The following RRP1 variants were observed in gnomAD, a reference collection of about 807,000 sequenced individuals.
The protein encoded by RRP1 is ribosomal RNA processing 1.
In RRP1, 37 loss-of-function variants were observed where a neutral mutation model predicts 54.6. The ratio of observed to expected loss-of-function variants is 0.68; its 90% CI spans 0.52 to 0.89. RRP1 has a LOEUF of 0.89. RRP1 is among the 40% of genes least tolerant of loss of function. RRP1 has a pLI of 0.00. For missense variants in RRP1, 639 were observed against 612.5 expected (o/e 1.04, Z -0.46); for synonymous variants, 262 against 244.3 (o/e 1.07, Z -0.67).
Position 43,797,991 on chromosome 21 carries a change from T to C in RRP1, c.702T>C (p.Asn234=). 3 of 1,614,184 alleles carry C rather than the reference T, an allele frequency of 1.9e-6. No individual in the cohort carries two copies. Among genetic ancestry groups the C allele is most frequent in the Non-Finnish European group, 1.7e-6 (2 of 1,180,026 alleles). The stretch of plus-strand genomic sequence containing the variant: ...CGCTTGCCATTGAAGACCTCCTGAA[T>C]GAACTGGACACACAGGATGAGGAGG... ...QAPLAIEDLL[N]ELDTQDEEVA... is the part of the protein sequence containing the mutation. Residue 234 remains asparagine, a synonymous_variant, in exon 8 of 13, where the codon AAT becomes AAC. Transcript: ENST00000497547.
Position 43,789,688 on chromosome 21 carries a change from A to G in RRP1, c.59A>G (p.Asn20Ser), listed in dbSNP as rs774679026. The change falls in exon 1 of 13, where the codon AAT (asparagine) becomes AGT (serine). Residue 20 changes from asparagine to serine, a missense_variant. Asn to Ser is a conservative substitution (Grantham distance 46). Transcript: ENST00000497547. ...CAGCTGGCTCAGCGCCTGGCGGGGA[A>G]TGAGCAGGTGACCCGGGACCGGGCG... ...EIQLAQRLAG[N>S]EQVTRDRAVR... 2.6e-6 allele frequency: 4 copies of G among 1,566,568 alleles called. No individual in the cohort carries two copies. The African/African-American group carries it at 5.5e-5, about 22-fold the overall frequency.
Position 43,803,883 on chromosome 21 carries a change from T to A in RRP1, c.*109T>A, listed in dbSNP as rs577629512. On this transcript the variant is annotated 3_prime_UTR_variant, in exon 13 of 13. Coordinates refer to ENST00000497547, the MANE Select transcript of RRP1 (RefSeq NM_003683.6). ...CTCAGGACCGTGGCTCCAGAACTCC[T>A]GTGCCAGGCGGGAGGGAAGGGCGGC... 3.0e-6 allele frequency: 4 copies of A among 1,346,794 alleles called. No individual in the cohort carries two copies. In the African/African-American group the frequency reaches 4.4e-5, roughly 15 times the overall value. 83.4% of individuals were successfully genotyped at this position (1,346,794 alleles called of 1,614,324 possible). A position where few individuals can be genotyped will look rare whatever the true frequency, so the allele number is the denominator to read the frequency against.
chr21:43,790,003 C>T (rs766383714), intron 1 of RRP1, among the ~76,000 whole-genome samples: 1 of 152,338 alleles, frequency 6.6e-6, no homozygotes, highest in African/African-American at 2.4e-5. Flanking sequence ...AGCCCCGTAA[C>T]CCCTTTCCTA....
intron 12 of RRP1, 92 bp from the exon 13 acceptor site, chr21:43,803,420 C>T: frequency 2.8e-6 from 4 of 1,449,508 alleles, no homozygotes; most frequent in Non-Finnish European, 3.7e-6. Context: ...CCTCCCAGGT[C>T]TGTGGTGCTG....
At chr21:43,796,243 G>C (rs1459618804) in intron 5 of RRP1, among the ~76,000 whole-genome samples, 1 of 152,072 alleles carries the variant, frequency 6.6e-6, no homozygotes, top group Non-Finnish European at 1.5e-5. Flanking sequence ...CCTCTGGTTT[G>C]GAGGGATTTT....
chr21:43,802,245 A>T, intron 11 of RRP1, 29 bp from the exon 12 acceptor site: 1 of 1,548,208 alleles, frequency 6.5e-7, no homozygotes. Context: ...AGCCCCCGAG[A>T]GCCCCCTGAC....
chr21:43,792,854 C>T (rs895001274), intron 3 of RRP1, 125 bp downstream of exon 3: 26 of 987,704 alleles, frequency 2.6e-5, no homozygotes, highest in Admixed American at 2.3e-4. Context: ...GGCAAGAGAG[C>T]GCCAGCTGGT....
intron 3 of RRP1, 60 bp from the exon 4 acceptor site, chr21:43,793,259 C>G (rs563794007): frequency 6.8e-7 from 1 of 1,481,148 alleles, no homozygotes; most frequent in South Asian, 1.1e-5. Flanking sequence ...GTTCTCACCT[C>G]CCTCCCCAGA....
chr21:43,796,577 G>A (rs941964902), intron 5 of RRP1, among the ~76,000 whole-genome samples: 4 of 152,202 alleles, frequency 2.6e-5, no homozygotes, highest in African/African-American at 7.2e-5. Context: ...TAATATCCAC[G>A]CCATTGCCAC....
At chr21:43,802,496 C>A (rs1171259531) in intron 12 of RRP1, 109 bp downstream of exon 12, 1 of 848,174 alleles carries the variant, frequency 1.2e-6, no homozygotes, top group Non-Finnish European at 2.0e-6. Flanking sequence ...AGTGCCGAGT[C>A]CCCCATCCTG....
At chr21:43,794,850 T>C (rs1439221586) in intron 4 of RRP1, among the ~76,000 whole-genome samples, 1 of 152,218 alleles carries the variant, frequency 6.6e-6, no homozygotes, top group Non-Finnish European at 1.5e-5. Context: ...TTCCTGGTTC[T>C]CCCTTATGAA....
rs930697836 is a variant in RRP1, at chr21:43,803,960, T to C, written c.*186T>C. 1 of 696,734 alleles carries C rather than the reference T, an allele frequency of 1.4e-6. No individual in the cohort carries two copies. Among genetic ancestry groups the C allele is most frequent in the Non-Finnish European group, 2.3e-6 (1 of 442,990 alleles). The allele number at this position is 696,734 out of a possible 1,614,324, so 43.2% of individuals were successfully genotyped here. On this transcript the variant is annotated 3_prime_UTR_variant, in exon 13 of 13. Coordinates refer to ENST00000497547, the MANE Select transcript of RRP1 (RefSeq NM_003683.6). Reference sequence around the variant, plus strand: ...GGCCAGCATCCCAGGAACTGGACCTTTCCCCAGAGCCTCCGCCTGTGGCTG... The same window carrying C: ...GGCCAGCATCCCAGGAACTGGACCTCTCCCCAGAGCCTCCGCCTGTGGCTG...
chr21:43,797,062 C>T (rs1213562622), intron 5 of RRP1, among the ~76,000 whole-genome samples: 2 of 152,190 alleles, frequency 1.3e-5, no homozygotes, highest in African/African-American at 2.4e-5. Flanking sequence ...AGAGGAACAC[C>T]AGGCAGGGCG....
chr21:43,801,320 A>G (rs1203979743), intron 11 of RRP1, among the ~76,000 whole-genome samples: 6 of 152,032 alleles, frequency 3.9e-5, no homozygotes, highest in African/African-American at 9.7e-5. Context: ...CAGACCTGCA[A>G]CTCAGTTGGA....
rs1372268148 is a variant in RRP1 at position 43,795,215 on chromosome 21, C to T, written c.387C>T (p.Ser129=). 1 of 1,613,972 alleles carries T rather than the reference C, an allele frequency of 6.2e-7. No homozygotes were observed. Among genetic ancestry groups the T allele is most frequent in the African/African-American group, 1.3e-5 (1 of 74,882 alleles). The change falls in exon 5 of 13, where the codon TCC becomes TCT. Residue 129 remains serine, a synonymous_variant. Transcript: ENST00000497547. ...YMLMRMVLNE[S]LKVLKMQGWE... ...TCATGCGGATGGTCCTGAACGAGTCCTTGAAGGTTCTGAAGATGCAAGGCT... is the reference window on the plus strand; with the variant it reads ...TCATGCGGATGGTCCTGAACGAGTCTTTGAAGGTTCTGAAGATGCAAGGCT...
chr21:43,803,879 C>T lies in RRP1; in HGVS notation c.*105C>T. 7.3e-7 allele frequency: 1 copy of T among 1,362,592 alleles called. No homozygotes were observed. Among genetic ancestry groups the T allele is most frequent in the Non-Finnish European group, 9.8e-7 (1 of 1,024,212 alleles). 84.4% of individuals were successfully genotyped at this position (1,362,592 alleles called of 1,614,324 possible). ...TAGACTCAGGACCGTGGCTCCAGAA[C>T]TCCTGTGCCAGGCGGGAGGGAAGGG... On this transcript the variant is annotated 3_prime_UTR_variant, in exon 13 of 13. Coordinates refer to ENST00000497547, the MANE Select transcript of RRP1 (RefSeq NM_003683.6).
At chr21:43,800,996 C>A in intron 11 of RRP1, 115 bp downstream of exon 11, 1 of 1,155,024 alleles carries the variant, frequency 8.7e-7, no homozygotes, top group South Asian at 1.2e-5. Context: ...TGCAGAGAGG[C>A]CTGGTGGTGT....
chr21:43,802,634 C>T (rs2085106543), intron 12 of RRP1, among the ~76,000 whole-genome samples: 1 of 152,218 alleles, frequency 6.6e-6, no homozygotes, highest in African/African-American at 2.4e-5. Context: ...GCCCTCCCTC[C>T]CGGTCTGGAG....
intron 12 of RRP1, 121 bp downstream of exon 12, chr21:43,802,508 G>C: frequency 1.3e-6 from 1 of 767,362 alleles, no homozygotes; most frequent in South Asian, 1.5e-5. Context: ...CCCATCCTGG[G>C]TGCCTGCTAT....
Sources: gnomAD v4.1 joint callset for allele counts (sites outside exome capture counted in the v4.1 genomes callset) on GRCh38, gnomAD v4.1.1 for gene constraint, MANE v1.5 for transcripts, NCBI Gene and HGNC (gene_info 2026-07-23, HGNC 2026-07-21) for gene names.